Variants in CRYBG2 observed in about 807,000 individuals in gnomAD.
The protein encoded by CRYBG2 is crystallin beta-gamma domain containing 2.
In CRYBG2, 106 loss-of-function variants were observed where a neutral mutation model predicts 153.4. The observed-to-expected ratio is 0.69, with a 90% CI of 0.59 to 0.81. The LOEUF (loss-of-function observed/expected upper bound fraction) is 0.81. CRYBG2 is among the 30% of genes least tolerant of loss of function. CRYBG2 has a pLI of 0.00. For synonymous variants in CRYBG2, 851 were observed against 877.8 expected (o/e 0.97, Z 0.54); for missense variants, 1,996 against 2,112.0 (o/e 0.95, Z 1.08).
At chr1:26,337,719 C>T (rs923563542) in intron 8 of CRYBG2, 45 bp from the exon 9 acceptor site, 46 of 1,594,882 alleles carry the variant, frequency 2.9e-5, no homozygotes, top group Non-Finnish European at 3.9e-5. Flanking sequence ...CCAAACACAC[C>T]CAGCCAGCTC....
At chr1:26,338,199 C>T in intron 7 of CRYBG2, 152 bp from the exon 8 acceptor site, 1 of 1,407,892 alleles carries the variant, frequency 7.1e-7, no homozygotes, top group Non-Finnish European at 9.6e-7. Flanking sequence ...CCTCCCACTC[C>T]CATTCCCAAT....
At chr1:26,334,177 C>G (rs149598029) in intron 14 of CRYBG2, among the ~76,000 whole-genome samples, 176 of 152,314 alleles carry the variant, frequency 1.2e-3, no homozygotes, top group African/African-American at 3.8e-3. Context: ...AATCCCAACA[C>G]TTTGGGAGAC....
At chr1:26,330,610 C>A (rs1443559270) in intron 15 of CRYBG2, among the ~76,000 whole-genome samples, 1 of 138,482 alleles carries the variant, frequency 7.2e-6, no homozygotes. Context: ...GTTATCAGGG[C>A]TAACTGCAAC....
At position 26,345,554 on chromosome 1, in the gene CRYBG2, G is replaced by T; in HGVS notation, c.1104C>A (p.His368Gln). The change falls in exon 2 of 20, where the codon CAC becomes CAA. Residue 368 changes from histidine (H) to glutamine (Q), a missense_variant. Physicochemically the swap from His to Gln is conservative, Grantham distance 24. Transcript: ENST00000308182. ...TGGGCACCACAGGCTGCTTTGCAGGGTGAGTTAGGCCAGGAGAGGGGACAT... is the reference window on the plus strand; with the variant it reads ...TGGGCACCACAGGCTGCTTTGCAGGTTGAGTTAGGCCAGGAGAGGGGACAT... Reference protein sequence around the residue: ...ETHVPSPGLTHPAKQPVVPTH... With the variant: ...ETHVPSPGLTQPAKQPVVPTH... 6.2e-7 allele frequency: 1 copy of T among 1,604,718 alleles called. No individual in the cohort carries two copies. Among genetic ancestry groups the T allele is most frequent in the Non-Finnish European group, 8.5e-7 (1 of 1,176,334 alleles).
chr1:26,324,224 A>G lies in CRYBG2; in HGVS notation c.4665T>C (p.Arg1555=). 2 of 1,612,926 alleles carry G rather than the reference A, an allele frequency of 1.2e-6. No homozygotes were observed. The highest frequency in any genetic ancestry group is 8.5e-7 in the Non-Finnish European group (1 of 1,179,940). Residue 1555 remains arginine, a synonymous_variant, in exon 18 of 20, where the codon CGT becomes CGC. Transcript: ENST00000308182. ...PDHVEDMKAG[R]VVVADPQAGG... is the part of the protein sequence containing the mutation. ...CAGCTTGGGGGTCGGCGACCACCAC[A>G]CGGCCTGCTTTCATGTCCTCCACAT...
chr1:26,323,933 G>T (rs990393824), intron 18 of CRYBG2, among the ~76,000 whole-genome samples: 4 of 152,188 alleles, frequency 2.6e-5, no homozygotes, highest in Non-Finnish European at 5.9e-5. Flanking sequence ...GAGCTGGGAG[G>T]TCCCTTAGAA....
At chr1:26,331,396 A>ACCC (rs2073994820) in intron 15 of CRYBG2, 93 bp downstream of exon 15, 1 of 1,527,010 alleles carries the variant, frequency 6.5e-7, no homozygotes, top group South Asian at 1.2e-5. Context: ...ACTGGAATCA[A>ACCC]CCCCTGCACC....
Position 26,336,588 on chromosome 1 carries a change from C to T in CRYBG2, c.4038+18G>A, listed in dbSNP as rs914476933. 1.2e-5 allele frequency: 19 copies of T among 1,545,230 alleles called. No homozygotes were observed. In the Admixed American group the frequency reaches 3.8e-4, roughly 31 times the overall value. ...TCCCGCCACCGGGGAGGCCCCGCCC[C>T]CCGCGGCCGGCACGCACCTGTAGGA... On this transcript the variant is annotated intron_variant, in intron 12 of 19. Transcript: ENST00000308182. This position sits in a 1 kb window ranked among gnomAD's most constrained non-coding sequence, Gnocchi z 4.9.
At position 26,336,515 on chromosome 1, in the gene CRYBG2, T is replaced by G; in HGVS notation, c.4038+91A>C. On this transcript the variant is annotated intron_variant, in intron 12 of 19. Transcript: ENST00000308182. The surrounding 1 kb of genome is among the most constrained non-coding windows in gnomAD (Gnocchi z 4.9). ...CCGCCCCAAGCGCCCAGGCAGGTCC[T>G]CCAGCCCGCTACCTCTGCGTGGGGG... is the stretch of plus-strand genomic sequence containing the variant. The G allele has an allele frequency of 6.5e-7, 1 of 1,544,030 alleles. No individual in the cohort carries two copies. Among genetic ancestry groups the G allele is most frequent in the Non-Finnish European group, 8.7e-7 (1 of 1,143,564 alleles).
intron 1 of CRYBG2, 36 bp downstream of exon 1, chr1:26,354,000 G>T: frequency 2.5e-6 from 1 of 399,384 alleles, no homozygotes; most frequent in Admixed American, 4.4e-5. Context: ...GGGCAGCCAG[G>T]CCAGTCTCCC....
intron 14 of CRYBG2, among the ~76,000 whole-genome samples, chr1:26,332,043 C>T (rs1015390171): frequency 6.6e-6 from 1 of 152,166 alleles, no homozygotes; most frequent in African/African-American, 2.4e-5. Context: ...CGCGGTGGCT[C>T]ACGCCTGTAA....
Position 26,336,544 on chromosome 1 carries a change from G to A in CRYBG2, c.4038+62C>T, listed in dbSNP as rs952338934. The A allele has an allele frequency of 3.0e-5, 46 of 1,540,766 alleles. No individual in the cohort carries two copies. The highest frequency in any genetic ancestry group is 4.0e-5 in the Non-Finnish European group (46 of 1,142,338). On this transcript the variant is annotated intron_variant, in intron 12 of 19. Transcript: ENST00000308182. This position sits in a 1 kb window ranked among gnomAD's most constrained non-coding sequence, Gnocchi z 4.9. The stretch of plus-strand genomic sequence containing the variant: ...GCCCGCTACCTCTGCGTGGGGGCGG[G>A]GCGCACCCGAACTCCAGGTCCCGCC...
At chr1:26,338,230 C>G in intron 7 of CRYBG2, 121 bp downstream of exon 7, 2 of 1,472,786 alleles carry the variant, frequency 1.4e-6, no homozygotes, top group Non-Finnish European at 1.8e-6. Context: ...AGGAAGCAGT[C>G]TCCAAGGGGT....
intron 7 of CRYBG2, 34 bp downstream of exon 7, chr1:26,338,317 A>C (rs1253302771): frequency 1.3e-6 from 2 of 1,558,268 alleles, no homozygotes; most frequent in Non-Finnish European, 1.7e-6. Context: ...CAGAGCCTAG[A>C]CCTCCTGGCC....
At position 26,336,825 on chromosome 1, in the gene CRYBG2, A is replaced by ACGT; in HGVS notation, c.3911+15_3911+16insACG. ...TCGCCCGGGCCCGCCCCGCTCCCGG[A>ACGT]GCCCGGGTCACTTACACGCCGCTGA... On this transcript the variant is annotated intron_variant, in intron 11 of 19. Coordinates refer to ENST00000308182, the MANE Select transcript of CRYBG2 (RefSeq NM_001039775.4). This position sits in a 1 kb window ranked among gnomAD's most constrained non-coding sequence, Gnocchi z 4.9. 6.3e-7 allele frequency: 1 copy of ACGT among 1,575,808 alleles called. No homozygotes were observed. The highest frequency in any genetic ancestry group is 8.6e-7 in the Non-Finnish European group (1 of 1,162,632).
In CRYBG2 at chr1:26,343,146, G is replaced by C; in HGVS notation, c.2975C>G (p.Ser992Ter). The C allele has an allele frequency of 6.4e-7, 1 of 1,550,626 alleles. No homozygotes were observed. The highest frequency in any genetic ancestry group is 8.7e-7 in the Non-Finnish European group (1 of 1,147,000). The stretch of plus-strand genomic sequence containing the variant: ...GCCACTGCCTTGGCAGCCAGACTCT[G>C]AGAAGAAGATCACCTGAGAAGGCAC... ...NTRPGKVIFF[S>*]ESGCQGSGRE... Residue 992 changes from serine to a stop codon, truncating the protein, a stop_gained, in exon 4 of 20, where the codon TCA becomes TGA. Transcript: ENST00000308182. LOFTEE classifies it high-confidence loss of function. The surrounding 1 kb of genome is among the most constrained non-coding windows in gnomAD (Gnocchi z 4.1).
rs2074180426 is a variant in CRYBG2 at position 26,344,585 on chromosome 1, T to C, written c.2073A>G (p.Ser691=). The change falls in exon 2 of 20, where the codon TCA becomes TCG. Residue 691 remains serine (S), a synonymous_variant. Coordinates refer to ENST00000308182, the MANE Select transcript of CRYBG2 (RefSeq NM_001039775.4). ...GCACAACCTCTTTCTGGGTGAGAGA[T>C]GAGATGGGGCTCCCTTCAGAGTCCT... ...GVQDSEGSPI[S]SLTQKEVVQD... is the part of the protein sequence containing the mutation. The C allele has an allele frequency of 1.3e-6, 2 of 1,536,886 alleles. No homozygotes were observed. Among genetic ancestry groups the C allele is most frequent in the African/African-American group, 1.4e-5 (1 of 72,936 alleles).
At chr1:26,329,061 G>A (rs1470371919) in intron 15 of CRYBG2, among the ~76,000 whole-genome samples, 188 bp from the exon 16 acceptor site, 5 of 152,008 alleles carry the variant, frequency 3.3e-5, no homozygotes, top group Non-Finnish European at 7.4e-5. Flanking sequence ...GAGGCAGTAA[G>A]CGCTAGGCTG....
intron 1 of CRYBG2, among the ~76,000 whole-genome samples, chr1:26,351,804 C>G (rs552862024): frequency 5.9e-5 from 9 of 152,282 alleles, no homozygotes; most frequent in Admixed American, 2.0e-4. Flanking sequence ...CCTGAACAGT[C>G]ATGAGTGCTA....
Sources: allele counts gnomAD v4.1 joint callset (sites outside exome capture counted in the v4.1 genomes callset), GRCh38; gene constraint gnomAD v4.1.1; non-coding constraint Gnocchi (gnomAD v3.1); transcripts MANE v1.5; gene names NCBI Gene and HGNC (gene_info 2026-07-23, HGNC 2026-07-21).